RPS6KA6: variants seen among roughly 807,000 people sequenced by gnomAD.
The protein encoded by RPS6KA6 is ribosomal protein S6 kinase alpha-6.
RPS6KA6 carries 27 observed loss-of-function variants against 65.4 expected under a neutral mutation model. The observed-to-expected ratio is 0.41, with a 90% confidence interval of 0.30 to 0.57. The LOEUF is 0.57. Among genes scored for constraint, RPS6KA6 ranks in the 20% least tolerant of loss-of-function variants. The probability of loss-of-function intolerance (pLI) is 0.24; values close to 1 mark genes in which losing one functional copy is unlikely to be tolerated. For synonymous variants in RPS6KA6, 190 were observed against 184.2 expected, an observed-to-expected ratio of 1.03 and a Z score of -0.26; for missense variants, 486 against 555.6, an observed-to-expected ratio of 0.87 and a Z score of 1.26.
chrX:84,154,198 C>T (rs1241285817), intron 3 of RPS6KA6, among the ~76,000 whole-genome samples: 6 of 111,264 alleles, frequency 5.4e-5, no homozygotes, highest in African/African-American at 2.0e-4. Context: ...TAGAAAAGGA[C>T]TTACAGACCC....
intron 2 of RPS6KA6, 110 bp from the exon 3 acceptor site, chrX:84,156,301 G>A: frequency 2.2e-6 from 1 of 453,131 alleles, no homozygotes; most frequent in Non-Finnish European, 3.9e-6. Context: ...CAATGTAGCA[G>A]AGAGTTTTAT....
At chrX:84,084,233 G>C (rs1364877164) in intron 20 of RPS6KA6, among the ~76,000 whole-genome samples, 1 of 111,877 alleles carries the variant, frequency 8.9e-6, no homozygotes, top group Non-Finnish European at 1.9e-5. Flanking sequence ...TTTGTCAATT[G>C]TTTGCTTTTG....
intron 12 of RPS6KA6, among the ~76,000 whole-genome samples, chrX:84,109,250 G>A (rs1017465132): frequency 4.5e-5 from 5 of 111,959 alleles, no homozygotes; most frequent in Non-Finnish European, 9.4e-5. Context: ...GCAGCCCAGC[G>A]GCCCTGCTCC....
chrX:84,094,178 A>G (rs772943464), intron 20 of RPS6KA6, among the ~76,000 whole-genome samples: 2 of 110,110 alleles, frequency 1.8e-5, no homozygotes, highest in East Asian at 2.9e-4. Flanking sequence ...CTGTCCACAC[A>G]AAGAATCACC....
chrX:84,155,199 T>C (rs1205787698), intron 3 of RPS6KA6, among the ~76,000 whole-genome samples: 1 of 110,941 alleles, frequency 9.0e-6, no homozygotes, highest in African/African-American at 3.3e-5. Flanking sequence ...AAGACCCCAT[T>C]TCTAAAACCC....
chrX:84,171,311 G>A (rs1842159883), intron 1 of RPS6KA6, among the ~76,000 whole-genome samples: 1 of 111,396 alleles, frequency 9.0e-6, no homozygotes, highest in Admixed American at 9.6e-5. Context: ...TAATAAATGT[G>A]TCTTGGTTAA....
intron 1 of RPS6KA6, among the ~76,000 whole-genome samples, chrX:84,177,913 G>C (rs2035794910): frequency 9.0e-6 from 1 of 111,000 alleles, no homozygotes; most frequent in South Asian, 3.9e-4. Flanking sequence ...TCCCACCTCA[G>C]CTCCACAAGT....
At chrX:84,116,798 G>C (rs780078130) in intron 11 of RPS6KA6, among the ~76,000 whole-genome samples, 19 of 110,914 alleles carry the variant, frequency 1.7e-4, no homozygotes, top group Non-Finnish European at 3.4e-4. Flanking sequence ...ACCTGTACAA[G>C]GGAGAATCTG....
At chrX:84,169,423 G>C (rs758230462) in intron 1 of RPS6KA6, among the ~76,000 whole-genome samples, 1 of 60,789 alleles carries the variant, frequency 1.6e-5, no homozygotes, top group South Asian at 7.3e-4. Flanking sequence ...ACTGAACTGA[G>C]AAATTAAAAA....
At chrX:84,128,306 T>C (rs1444207949) in intron 8 of RPS6KA6, among the ~76,000 whole-genome samples, 1 of 110,460 alleles carries the variant, frequency 9.1e-6, no homozygotes, top group Non-Finnish European at 1.9e-5. Context: ...AAAAAGAAAT[T>C]AAAGACATGT....
At chrX:84,069,396 C>T (rs1267703837) in intron 20 of RPS6KA6, among the ~76,000 whole-genome samples, 4 of 111,733 alleles carry the variant, frequency 3.6e-5, no homozygotes, top group Admixed American at 9.5e-5. Flanking sequence ...TTCCTCACAC[C>T]TTATATAAAA....
Position 84,064,249 on chromosome X carries a change from C to A in RPS6KA6, c.*28G>T. 8 of 1,194,679 alleles carry A rather than the reference C, an allele frequency of 6.7e-6. No homozygotes were observed. The highest frequency in any genetic ancestry group is 9.0e-6 in the Non-Finnish European group (8 of 887,568). On this transcript the variant is annotated 3_prime_UTR_variant, in exon 22 of 22. Coordinates refer to ENST00000262752, the MANE Select transcript of RPS6KA6 (RefSeq NM_014496.5). Reference sequence around the variant, plus strand: ...GCCACACATTTAATTTCATCTTCATCCAGTTTGGCCTAGGAACACCACAAA... The same window carrying A: ...GCCACACATTTAATTTCATCTTCATACAGTTTGGCCTAGGAACACCACAAA...
intron 16 of RPS6KA6, among the ~76,000 whole-genome samples, chrX:84,105,350 C>T (rs2034338022): frequency 9.0e-6 from 1 of 111,378 alleles, no homozygotes; most frequent in African/African-American, 3.2e-5. Flanking sequence ...GTTATACATT[C>T]ATTTTACAAA....
chrX:84,179,564 A>G (rs2035819737), intron 1 of RPS6KA6, among the ~76,000 whole-genome samples: 1 of 111,882 alleles, frequency 8.9e-6, no homozygotes, highest in Admixed American at 9.5e-5. Context: ...AAATCAAATT[A>G]ATATTGTTCA....
chrX:84,170,400 C>T (rs183320785), intron 1 of RPS6KA6, among the ~76,000 whole-genome samples: 3 of 110,136 alleles, frequency 2.7e-5, no homozygotes, highest in East Asian at 5.7e-4. Flanking sequence ...GAGGCTGAGG[C>T]GGGTGGATCA....
chrX:84,108,793 C>T (rs1027318115), intron 12 of RPS6KA6, among the ~76,000 whole-genome samples: 2 of 111,721 alleles, frequency 1.8e-5, no homozygotes, highest in Non-Finnish European at 3.8e-5. Context: ...AGGCAGGGAG[C>T]AGGGAGGCTG....
intron 8 of RPS6KA6, among the ~76,000 whole-genome samples, chrX:84,134,374 T>C (rs1031500830): frequency 5.4e-5 from 6 of 111,451 alleles, no homozygotes; most frequent in Non-Finnish European, 1.1e-4. Flanking sequence ...TACTGTATGA[T>C]TCTATTTCTA....
rs759518700 is a variant in RPS6KA6 at position 84,148,167 on chromosome X, C to T, written c.259-44G>A. ...AAAAAAAAAAGGAAAATTCACATTTCTAGTCATTCTTGCTCTACACAAACA... is the reference window on the plus strand; with the variant it reads ...AAAAAAAAAAGGAAAATTCACATTTTTAGTCATTCTTGCTCTACACAAACA... On this transcript the variant is annotated intron_variant, in intron 3 of 21. Transcript: ENST00000262752. The T allele has an allele frequency of 1.2e-5, 10 of 852,334 alleles. No homozygotes were observed. In the South Asian group the frequency reaches 1.9e-4, roughly 16 times the overall value. The allele number at this position is 852,334 out of a possible 1,213,427, so 70.2% of individuals were successfully genotyped here. A position where few individuals can be genotyped will look rare whatever the true frequency, so the allele number is the denominator to read the frequency against.
intron 8 of RPS6KA6, among the ~76,000 whole-genome samples, chrX:84,123,936 G>A (rs780196217): frequency 1.8e-5 from 2 of 111,512 alleles, no homozygotes; most frequent in African/African-American, 6.5e-5. Flanking sequence ...CTGTGTGGTG[G>A]CGGCCATAGG....
Sources: gnomAD v4.1 joint callset for allele counts (sites outside exome capture counted in the v4.1 genomes callset) on GRCh38, gnomAD v4.1.1 for gene constraint, MANE v1.5 for transcripts, NCBI Gene and HGNC (gene_info 2026-07-23, HGNC 2026-07-21) for gene names.